Variants in EYA1 observed in about 807,000 individuals in gnomAD.
EYA1 encodes protein phosphatase EYA1.
In EYA1, 16 loss-of-function variants were observed where a neutral mutation model predicts 82.0. The ratio of observed to expected loss-of-function variants is 0.20; its 90% confidence interval spans 0.13 to 0.30. EYA1 has a LOEUF of 0.30. EYA1 is among the 10% of genes least tolerant of loss of function. The probability of loss-of-function intolerance (pLI) is 1.00; values close to 1 mark genes in which losing one functional copy is unlikely to be tolerated. For synonymous variants in EYA1, 261 were observed against 264.4 expected, an observed-to-expected ratio of 0.99 and a Z score of 0.12; for missense variants, 633 against 730.7, an observed-to-expected ratio of 0.87 and a Z score of 1.54.
At chr8:71,260,399 T>G (rs1317249761) in intron 11 of EYA1, among the ~76,000 whole-genome samples, 1 of 152,208 alleles carries the variant, frequency 6.6e-6, no homozygotes, top group East Asian at 1.9e-4. Flanking sequence ...TATCCTATTA[T>G]TTTCAATTTA....
chr8:71,368,389 C>CT (rs1827881258), intron 2 of EYA1, among the ~76,000 whole-genome samples: 2 of 152,182 alleles, frequency 1.3e-5, no homozygotes, highest in South Asian at 4.2e-4. Flanking sequence ...TTGCTGTTCA[C>CT]TTTCCTTCCT....
At chr8:71,412,402 A>C (rs1202787329) in intron 2 of EYA1, among the ~76,000 whole-genome samples, 8 of 106,594 alleles carry the variant, frequency 7.5e-5, no homozygotes, top group Admixed American at 3.1e-4. Context: ...AATAAAATAA[A>C]ATAAAAAATA....
At chr8:71,364,989 T>C (rs9643624), upstream of EYA1, among the ~76,000 whole-genome samples, 3 of 110,900 alleles carry the variant, frequency 2.7e-5, no homozygotes, top group Admixed American at 9.2e-5. Flanking sequence ...TATATATACA[T>C]ATACACACAC....
At chr8:71,279,251 C>G (rs561276134) in intron 9 of EYA1, among the ~76,000 whole-genome samples, 8 of 152,280 alleles carry the variant, frequency 5.3e-5, no homozygotes, top group African/African-American at 1.9e-4. Context: ...AATGTAGATT[C>G]CATCATGTTC....
At chr8:71,392,406 G>A (rs959130850) in intron 2 of EYA1, among the ~76,000 whole-genome samples, 4 of 152,084 alleles carry the variant, frequency 2.6e-5, no homozygotes, top group Non-Finnish European at 5.9e-5. Flanking sequence ...ACAGGAAAGA[G>A]GGGGAAAAAA....
intron 3 of EYA1, among the ~76,000 whole-genome samples, chr8:71,346,253 C>T (rs1210584676): frequency 6.6e-6 from 1 of 151,850 alleles, no homozygotes; most frequent in Non-Finnish European, 1.5e-5. Context: ...GGTGGTAAAT[C>T]ACATTTAATA....
chr8:71,311,453 C>T (rs1223339803), intron 7 of EYA1, among the ~76,000 whole-genome samples: 8 of 152,162 alleles, frequency 5.3e-5, no homozygotes, highest in African/African-American at 1.9e-4. Flanking sequence ...GCAGTAAAAA[C>T]ATATTGTTTG....
intron 9 of EYA1, among the ~76,000 whole-genome samples, chr8:71,282,218 C>T (rs1817887914): frequency 6.6e-6 from 1 of 152,196 alleles, no homozygotes; most frequent in East Asian, 1.9e-4. Flanking sequence ...TGCCCTGTCA[C>T]TGATTCCAGT....
chr8:71,366,942 T>C (rs1827791396), upstream of EYA1, among the ~76,000 whole-genome samples: 1 of 152,156 alleles, frequency 6.6e-6, no homozygotes, highest in Non-Finnish European at 1.5e-5. Context: ...TATAGCAAAA[T>C]AATATATTCA....
chr8:71,350,985 A>G (rs539830434), intron 3 of EYA1, among the ~76,000 whole-genome samples: 1 of 152,324 alleles, frequency 6.6e-6, no homozygotes, highest in African/African-American at 2.4e-5. Flanking sequence ...ATCAACACAA[A>G]GCCTTTGCCA....
chr8:71,360,636 A>G (rs993473046), intron 1 of EYA1, among the ~76,000 whole-genome samples: 3 of 152,232 alleles, frequency 2.0e-5, no homozygotes, highest in African/African-American at 7.2e-5. Context: ...ATGCAAAAGC[A>G]TGACTGTACA....
intron 2 of EYA1, among the ~76,000 whole-genome samples, chr8:71,444,822 G>A (rs1351940055): frequency 1.3e-5 from 2 of 152,324 alleles, no homozygotes; most frequent in Middle Eastern, 3.4e-3. Flanking sequence ...TCACTTCGTG[G>A]GAGGTAGTGA....
chr8:71,312,068 C>T (rs2129016261), intron 7 of EYA1, among the ~76,000 whole-genome samples: 1 of 152,300 alleles, frequency 6.6e-6, no homozygotes, highest in African/African-American at 2.4e-5. Flanking sequence ...GCCAAATCTG[C>T]TCTTAAAAGG....
At chr8:71,289,822 C>T (rs1339495830) in intron 9 of EYA1, among the ~76,000 whole-genome samples, 1 of 152,046 alleles carries the variant, frequency 6.6e-6, no homozygotes, top group Non-Finnish European at 1.5e-5. Context: ...TAACCCACAA[C>T]AAAAATACTT....
chr8:71,453,837 C>T (rs945104641), intron 2 of EYA1, among the ~76,000 whole-genome samples: 6 of 152,146 alleles, frequency 3.9e-5, no homozygotes, highest in South Asian at 2.1e-4. Flanking sequence ...TAAAGACCAT[C>T]GATGCTAGGA....
chr8:71,238,069 A>G (rs529022810), intron 12 of EYA1, among the ~76,000 whole-genome samples: 24 of 152,268 alleles, frequency 1.6e-4, no homozygotes, highest in Non-Finnish European at 3.4e-4. Flanking sequence ...TGGCCATCTG[A>G]AGATTTTGAC....
chr8:71,501,042 C>T (rs1226423068), intron 2 of EYA1, among the ~76,000 whole-genome samples: 5 of 152,138 alleles, frequency 3.3e-5, no homozygotes, highest in South Asian at 2.1e-4. Context: ...AGAAGGTCAC[C>T]ATTAAAATGC....
At chr8:71,507,232 A>T (rs1247567585) in intron 2 of EYA1, among the ~76,000 whole-genome samples, 1 of 152,182 alleles carries the variant, frequency 6.6e-6, no homozygotes, top group Admixed American at 6.5e-5. Flanking sequence ...AAGTTAAGAC[A>T]TTTGCCCAAG....
chr8:71,414,074 C>T (rs998543523), intron 2 of EYA1, among the ~76,000 whole-genome samples: 1 of 152,196 alleles, frequency 6.6e-6, no homozygotes, highest in Non-Finnish European at 1.5e-5. Flanking sequence ...CTCCAGGAAG[C>T]TTCAGCTGCC....
Sources: allele counts gnomAD v4.1 joint callset (sites outside exome capture counted in the v4.1 genomes callset), GRCh38; gene constraint gnomAD v4.1.1; transcripts MANE v1.5; gene names NCBI Gene and HGNC (gene_info 2026-07-23, HGNC 2026-07-21).